The following NPIPB11 variants were observed in gnomAD, a reference collection of about 807,000 sequenced individuals.
NPIPB11 encodes nuclear pore complex-interacting protein family member B11.
NPIPB11 carries 17 observed loss-of-function variants against 32.8 expected under a neutral mutation model. The ratio of observed to expected loss-of-function variants is 0.52; its 90% CI spans 0.35 to 0.78. The LOEUF is 0.78. Ranked by LOEUF, NPIPB11 falls within the 30% of genes least tolerant of loss-of-function variation. The probability of loss-of-function intolerance (pLI) is 0.01; values close to 1 mark genes in which losing one functional copy is unlikely to be tolerated. For missense variants in NPIPB11, 537 were observed against 1,000.4 expected (o/e 0.54, Z 6.25); for synonymous variants, 209 against 398.4 (o/e 0.52, Z 5.66).
chr16:29,394,474 G>A (rs894910936), intron 2 of NPIPB11, among the ~76,000 whole-genome samples: 11 of 141,062 alleles, frequency 7.8e-5, no homozygotes, highest in South Asian at 2.2e-4. Flanking sequence ...CCACTCAGTC[G>A]CCCAGGCTGG....
At chr16:29,403,122 G>A (rs1297637761) in intron 2 of NPIPB11, among the ~76,000 whole-genome samples, 1 of 145,108 alleles carries the variant, frequency 6.9e-6, no homozygotes, top group African/African-American at 2.6e-5. Context: ...CTGTCGCACA[G>A]TCTGGAGTGC....
chr16:29,397,265 G>A (rs1165475828), intron 2 of NPIPB11, among the ~76,000 whole-genome samples: 5 of 151,716 alleles, frequency 3.3e-5, no homozygotes, highest in African/African-American at 9.7e-5. Context: ...AGAGTGCAGC[G>A]GGGCCATCTC....
intron 2 of NPIPB11, among the ~76,000 whole-genome samples, chr16:29,399,111 G>C (rs1191980040): frequency 6.6e-6 from 1 of 151,396 alleles, no homozygotes; most frequent in East Asian, 2.0e-4. Flanking sequence ...TGGGTGGGGA[G>C]CTCCAAGCAG....
chr16:29,391,674 C>A (rs1963725976), intron 3 of NPIPB11, among the ~76,000 whole-genome samples: 1 of 152,216 alleles, frequency 6.6e-6, no homozygotes, highest in Non-Finnish European at 1.5e-5. Context: ...CAATGCAAAT[C>A]CCATCTCAGA....
At position 29,390,438 on chromosome 16, in the gene NPIPB11, C is replaced by T. The variant is rs569852642; in HGVS notation, c.250-90G>A. The stretch of plus-strand genomic sequence containing the variant: ...TCGGGAAGCTGAGGCAGGTGGATCA[C>T]GGGGTCAGGAGCAAGACCAGCCTGG... On this transcript the variant is annotated intron_variant, in intron 3 of 7. Transcript: ENST00000524087. 2.4e-4 allele frequency: 376 copies of T among 1,588,606 alleles called. 2 individuals are homozygous for T. Among genetic ancestry groups the T allele is most frequent in the African/African-American group, 6.0e-4 (45 of 74,672 alleles).
intron 2 of NPIPB11, among the ~76,000 whole-genome samples, chr16:29,399,200 A>G (rs938190773): frequency 3.3e-5 from 5 of 152,218 alleles, no homozygotes; most frequent in South Asian, 2.1e-4. Flanking sequence ...CCTCAGTTAA[A>G]CTTCCCACAG....
chr16:29,396,007 G>C (rs1057184512), intron 2 of NPIPB11, among the ~76,000 whole-genome samples: 3 of 150,250 alleles, frequency 2.0e-5, no homozygotes, highest in African/African-American at 4.9e-5. Flanking sequence ...CCAAGGTGGA[G>C]ATCATGAAAA....
intron 2 of NPIPB11, among the ~76,000 whole-genome samples, chr16:29,400,106 C>T (rs1015061268): frequency 1.3e-5 from 2 of 151,434 alleles, no homozygotes; most frequent in African/African-American, 4.9e-5. Flanking sequence ...CCTCGGATTT[C>T]GGTTGTGTTG....
intron 2 of NPIPB11, chr16:29,397,604 C>G (rs1382758898): frequency 6.6e-7 from 1 of 1,509,106 alleles, no homozygotes; most frequent in African/African-American, 1.4e-5. Flanking sequence ...CCAGCAGGAG[C>G]CCAAAGAGGA....
chr16:29,394,746 G>A (rs1385627309), intron 2 of NPIPB11, among the ~76,000 whole-genome samples: 1 of 149,254 alleles, frequency 6.7e-6, no homozygotes, highest in Non-Finnish European at 1.5e-5. Flanking sequence ...TTTTGTTTTT[G>A]TTTTTGTTTG....
chr16:29,405,510 T>A (rs1352972460), upstream of NPIPB11, among the ~76,000 whole-genome samples: 1 of 152,108 alleles, frequency 6.6e-6, no homozygotes, highest in Non-Finnish European at 1.5e-5. Context: ...TTCCCACACA[T>A]TATTACACTT....
exon 8 of NPIPB11, chr16:29,384,110 A>T (rs200364302): frequency 1.6e-6 from 2 of 1,222,186 alleles, no homozygotes; most frequent in Non-Finnish European, 2.2e-6. Context: ...CTGAGGGTGG[A>T]AGGGGAGTGA....
upstream of NPIPB11, among the ~76,000 whole-genome samples, chr16:29,406,349 C>T (rs1301538829): frequency 6.6e-6 from 1 of 152,270 alleles, no homozygotes; most frequent in Non-Finnish European, 1.5e-5. Context: ...AAATTGCATA[C>T]ATTTATACAA....
chr16:29,393,621 G>C (rs1055065496), intron 3 of NPIPB11, among the ~76,000 whole-genome samples: 4 of 150,030 alleles, frequency 2.7e-5, no homozygotes, highest in African/African-American at 9.8e-5. Context: ...CCATACGATA[G>C]AACTATAAAG....
intron 2 of NPIPB11, among the ~76,000 whole-genome samples, 188 bp from the exon 3 acceptor site, chr16:29,394,264 T>C (rs1567273165): frequency 6.6e-6 from 1 of 152,084 alleles, no homozygotes; most frequent in Non-Finnish European, 1.5e-5. Flanking sequence ...AGATGGCTGG[T>C]AGTGTTTTCA....
exon 3 of NPIPB11, chr16:29,394,048 T>C (rs1309318041): frequency 7.5e-6 from 12 of 1,599,322 alleles, no homozygotes; most frequent in East Asian, 4.5e-5. Context: ...AGTCCCACGA[T>C]GATGATGGTC....
chr16:29,397,958 C>A (rs1032543103), intron 2 of NPIPB11, among the ~76,000 whole-genome samples: 1 of 93,854 alleles, frequency 1.1e-5, no homozygotes, highest in Non-Finnish European at 2.0e-5. Context: ...ACAGGACACG[C>A]GGGGCAAGGG....
At chr16:29,395,662 A>G (rs1963835098) in intron 2 of NPIPB11, among the ~76,000 whole-genome samples, 1 of 149,006 alleles carries the variant, frequency 6.7e-6, no homozygotes, top group Admixed American at 6.7e-5. Flanking sequence ...TTCACAAATA[A>G]GTATCAAATT....
In NPIPB11 at chr16:29,394,664, A is replaced by G. The variant is rs1426677569; in HGVS notation, c.121-588T>C. On this transcript the variant is annotated intron_variant, in intron 2 of 7. Coordinates refer to ENST00000524087, the Ensembl canonical transcript of NPIPB11. ...TGGCCAGTCTGGCCTTGAACTCCTG[A>G]CAGGCGATCTGCCTGCCTCAGCCTC... Among the ~76,000 whole-genome samples, 8 of 152,060 alleles carry G rather than the reference A, an allele frequency of 5.3e-5. No homozygotes were observed. The East Asian group carries it at 9.7e-4, about 18-fold the overall frequency.
Sources: gnomAD v4.1 joint callset for allele counts (sites outside exome capture counted in the v4.1 genomes callset) on GRCh38, gnomAD v4.1.1 for gene constraint, MANE v1.5 for transcripts, NCBI Gene and HGNC (gene_info 2026-07-23, HGNC 2026-07-21) for gene names.